Variants in JPH2 observed in about 807,000 individuals in gnomAD.
JPH2 encodes the protein junctophilin-2.
In JPH2, 38 loss-of-function variants were observed where a neutral mutation model predicts 55.9. The observed-to-expected ratio is 0.68, with a 90% confidence interval of 0.52 to 0.89. The LOEUF (loss-of-function observed/expected upper bound fraction) is 0.89, where lower values mean the gene tolerates loss of function less well. Among genes scored for constraint, JPH2 ranks in the 40% least tolerant of loss-of-function variants. The pLI is 0.00. For synonymous variants in JPH2, 480 were observed against 472.4 expected, an observed-to-expected ratio of 1.02 and a Z score of -0.21; for missense variants, 964 against 1,037.6, an observed-to-expected ratio of 0.93 and a Z score of 0.97.
chr20:44,171,018 C>G (rs1303918773), intron 1 of JPH2, among the ~76,000 whole-genome samples: 1 of 152,170 alleles, frequency 6.6e-6, no homozygotes, highest in African/African-American at 2.4e-5. Context: ...TCAGTTGACC[C>G]TTTGCTGCTG....
chr20:44,175,396 C>T (rs766847014), intron 1 of JPH2, among the ~76,000 whole-genome samples: 5 of 152,340 alleles, frequency 3.3e-5, no homozygotes, highest in South Asian at 2.1e-4. Context: ...ACAGTCCCTT[C>T]GGTGAGCATT....
At chr20:44,179,134 A>G (rs939454395) in intron 1 of JPH2, among the ~76,000 whole-genome samples, 1 of 152,212 alleles carries the variant, frequency 6.6e-6, no homozygotes, top group Non-Finnish European at 1.5e-5. Context: ...AGTAGTAATA[A>G]AAGCACTAAC....
At chr20:44,186,280 C>T in intron 1 of JPH2, 47 bp downstream of exon 1, 8 of 1,599,474 alleles carry the variant, frequency 5.0e-6, no homozygotes, top group Non-Finnish European at 6.8e-6. Context: ...GGGTTTCTCA[C>T]CCTCCCTGGC....
chr20:44,123,383 C>T (rs898862632), intron 2 of JPH2, among the ~76,000 whole-genome samples: 5 of 152,212 alleles, frequency 3.3e-5, no homozygotes, highest in African/African-American at 1.2e-4. Flanking sequence ...CCATGGGTCT[C>T]CCCTGCCTGC....
chr20:44,112,689 C>G lies in JPH2; in HGVS notation c.*829G>C, dbSNP rs1367260890. ...CCCCAGGCCTCCTGCAGGTGACCCT[C>G]TAGCATCCCAAGCACACGGGAAACC... On this transcript the variant is annotated 3_prime_UTR_variant, in exon 6 of 6. Transcript: ENST00000372980. 1 of 152,526 alleles carries G rather than the reference C, an allele frequency of 6.6e-6. No homozygotes were observed. Among genetic ancestry groups the G allele is most frequent in the Non-Finnish European group, 1.5e-5 (1 of 68,312 alleles). The allele number at this position is 152,526 out of a possible 1,614,324, so 9.4% of individuals were successfully genotyped here. A position where few individuals can be genotyped will look rare whatever the true frequency, so the allele number is the denominator to read the frequency against.
At chr20:44,114,567 T>A (rs1243507348) in intron 5 of JPH2, among the ~76,000 whole-genome samples, 5 of 6,888 alleles carry the variant, frequency 7.3e-4, no homozygotes, top group Admixed American at 1.6e-3. Flanking sequence ...ATGAAGTAAG[T>A]GTGTGTGTGT....
chr20:44,145,280 G>A (rs918005560), intron 2 of JPH2, among the ~76,000 whole-genome samples: 1 of 152,158 alleles, frequency 6.6e-6, no homozygotes, highest in African/African-American at 2.4e-5. Context: ...CTGCTGGCCT[G>A]TATGTTCTCT....
At position 44,167,587 on chromosome 20, in the gene JPH2, C is replaced by T. The variant is rs553004107; in HGVS notation, c.380-7180G>A. Among the ~76,000 whole-genome samples the T allele has an allele frequency of 9.9e-5, 15 of 152,222 alleles. No individual in the cohort carries two copies. In the East Asian group the frequency reaches 1.9e-3, roughly 20 times the overall value. On this transcript the variant is annotated intron_variant, in intron 1 of 5. Transcript: ENST00000372980. ...GAAGGCCATAACCATGGCAAAAATA[C>T]GGTCCTGTCCCCCCGATAGGACTCC... is the stretch of plus-strand genomic sequence containing the variant.
intron 2 of JPH2, among the ~76,000 whole-genome samples, chr20:44,142,434 C>A (rs111297057): frequency 2.0e-5 from 3 of 152,176 alleles, no homozygotes; most frequent in African/African-American, 7.2e-5. Flanking sequence ...TGTCCTCCCC[C>A]TCACTCCACT....
chr20:44,136,170 A>G (rs1247529766), intron 2 of JPH2, among the ~76,000 whole-genome samples: 1 of 152,214 alleles, frequency 6.6e-6, no homozygotes, highest in East Asian at 1.9e-4. Flanking sequence ...ATCATGTACC[A>G]TGGATGAACA....
chr20:44,134,019 A>AATATATAAATATATATTATT lies in JPH2; in HGVS notation c.1170-15397_1170-15396insAATAATATATATTTATATAT. 1.2e-4 allele frequency among the ~76,000 whole-genome samples: 2 copies of AATATATAAATATATATTATT among 17,104 alleles called. 1 individual carries two copies. Among genetic ancestry groups the AATATATAAATATATATTATT allele is most frequent in the Non-Finnish European group, 1.9e-4 (2 of 10,596 alleles). 11.2% of individuals were successfully genotyped at this position (17,104 alleles called of 152,430 possible). A position where few individuals can be genotyped will look rare whatever the true frequency, so the allele number is the denominator to read the frequency against. ...AATATATATAAATATATATATTATA[A>AATATATAAATATATATTATT]ATATATATAAATATATATTTATATA... On this transcript the variant is annotated intron_variant, in intron 2 of 5. Coordinates refer to ENST00000372980, the MANE Select transcript of JPH2 (RefSeq NM_020433.5).
At chr20:44,168,649 G>A (rs765864364) in intron 1 of JPH2, among the ~76,000 whole-genome samples, 1 of 152,168 alleles carries the variant, frequency 6.6e-6, no homozygotes, top group Admixed American at 6.5e-5. Flanking sequence ...GCAGTTGTTG[G>A]CAATCACAGC....
Position 44,159,617 on chromosome 20 carries a change from C to T in JPH2, c.1169+1G>A. The T allele has an allele frequency of 6.2e-7, 1 of 1,600,806 alleles. No individual in the cohort carries two copies. The highest frequency in any genetic ancestry group is 8.5e-7 in the Non-Finnish European group (1 of 1,179,212). On this transcript the variant is annotated splice_donor_variant, in intron 2 of 5. Coordinates refer to ENST00000372980, the MANE Select transcript of JPH2 (RefSeq NM_020433.5). LOFTEE classifies it high-confidence loss of function. This position sits in a 1 kb window ranked among gnomAD's most constrained non-coding sequence, Gnocchi z 5.7. ...CCTTCCCACCCCCACCGCTGTCCTA[C>T]CTGGAGGCGGCAATCTCGGCCTTCT...
intron 2 of JPH2, among the ~76,000 whole-genome samples, chr20:44,132,510 G>A (rs1361886531): frequency 6.7e-6 from 1 of 150,316 alleles, no homozygotes; most frequent in Non-Finnish European, 1.5e-5. Context: ...TGCATCACTA[G>A]CTCCCTTGCT....
intron 2 of JPH2, among the ~76,000 whole-genome samples, chr20:44,132,263 T>C (rs2145851198): frequency 6.6e-6 from 1 of 152,070 alleles, no homozygotes; most frequent in South Asian, 2.1e-4. Context: ...CTGTTTGCTC[T>C]TCTATATAGA....
At chr20:44,164,724 A>G (rs1257799119) in intron 1 of JPH2, among the ~76,000 whole-genome samples, 1 of 151,364 alleles carries the variant, frequency 6.6e-6, no homozygotes, top group African/African-American at 2.4e-5. Context: ...ACAAACCTAT[A>G]GTGCCAGAAA....
intron 3 of JPH2, among the ~76,000 whole-genome samples, chr20:44,117,117 A>T (rs1239473888): frequency 6.6e-6 from 1 of 152,094 alleles, no homozygotes; most frequent in Non-Finnish European, 1.5e-5. Context: ...TGTCTCTACT[A>T]AAAATACAAA....
In JPH2 at chr20:44,110,971, T is replaced by C. The variant is rs1391669583; in HGVS notation, c.*2547A>G. ...CCTACTGTTGGTTGAGGGACCTTCT[T>C]CTCCAACCCCCTCGCTGGGAACCAC... On this transcript the variant is annotated 3_prime_UTR_variant, in exon 6 of 6. Coordinates refer to ENST00000372980, the MANE Select transcript of JPH2 (RefSeq NM_020433.5). 1.3e-5 allele frequency among the ~76,000 whole-genome samples: 2 copies of C among 152,122 alleles called. No individual in the cohort carries two copies. Among genetic ancestry groups the C allele is most frequent in the African/African-American group, 4.8e-5 (2 of 41,422 alleles).
rs1225972052 is a variant in JPH2, at chr20:44,111,010, A to G, written c.*2508T>C. Among the ~76,000 whole-genome samples the G allele has an allele frequency of 6.6e-6, 1 of 152,210 alleles. No homozygotes were observed. On this transcript the variant is annotated 3_prime_UTR_variant, in exon 6 of 6. Transcript: ENST00000372980. ...GCTGGGAACCACCGGCTGTGAGAGT[A>G]ACTTCATGGGCAGTACTTATTCCTA...
Sources: gnomAD v4.1 joint callset for allele counts (sites outside exome capture counted in the v4.1 genomes callset) on GRCh38, gnomAD v4.1.1 for gene constraint, Gnocchi (gnomAD v3.1) non-coding constraint, MANE v1.5 for transcripts, NCBI Gene and HGNC (gene_info 2026-07-23, HGNC 2026-07-21) for gene names.